The following TTC39B variants were observed in gnomAD, a reference collection of about 807,000 sequenced individuals.
TTC39B encodes the protein tetratricopeptide repeat domain 39B, also known as tetratricopeptide repeat protein 39B.
Under a neutral mutation model 96.6 loss-of-function variants are expected in TTC39B, and 92 were observed. That is an observed-to-expected ratio of 0.95 (90% CI 0.80 to 1.13). The LOEUF is 1.13. Ranked by LOEUF, TTC39B falls within the 50% of genes most tolerant of loss-of-function variation. The pLI is 0.00. For synonymous variants in TTC39B, 367 were observed against 299.4 expected (o/e 1.23, Z -2.33); for missense variants, 955 against 809.3 (o/e 1.18, Z -2.18).
At chr9:15,268,651 C>T (rs1823225043) in intron 1 of TTC39B, among the ~76,000 whole-genome samples, 1 of 152,138 alleles carries the variant, frequency 6.6e-6, no homozygotes, top group South Asian at 2.1e-4. Context: ...AGCTCCTCAT[C>T]CAGGTATCCG....
At chr9:15,185,452 C>G (rs766430647) in intron 15 of TTC39B, 46 bp from the exon 16 acceptor site, 4 of 1,607,430 alleles carry the variant, frequency 2.5e-6, no homozygotes, top group Non-Finnish European at 3.4e-6. Flanking sequence ...CATGGCAACA[C>G]ATACATTATT....
intron 9 of TTC39B, 124 bp downstream of exon 9, chr9:15,192,466 C>T (rs1360307252): frequency 1.5e-6 from 1 of 684,286 alleles, no homozygotes; most frequent in Non-Finnish European, 2.5e-6. Flanking sequence ...ACTGATCCCA[C>T]TCTAGCTGTT....
chr9:15,175,167 T>A, intron 18 of TTC39B, 32 bp from the exon 19 acceptor site: 1 of 1,426,328 alleles, frequency 7.0e-7, no homozygotes, highest in African/African-American at 1.4e-5. Flanking sequence ...AAGTAAATCT[T>A]AACAGAACAA....
At chr9:15,173,863 C>G (rs981606541) in intron 19 of TTC39B, among the ~76,000 whole-genome samples, 1 of 152,130 alleles carries the variant, frequency 6.6e-6, no homozygotes. Flanking sequence ...ATGGTCTGAA[C>G]AGAAGTATGT....
chr9:15,235,020 G>GATAA (rs1444990345), intron 2 of TTC39B, among the ~76,000 whole-genome samples: 2 of 55,456 alleles, frequency 3.6e-5, no homozygotes, highest in East Asian at 2.7e-3. Flanking sequence ...ACCCAAGAAT[G>GATAA]ATCAATAAAT....
exon 20 of TTC39B, chr9:15,167,901 C>G (rs553379023): frequency 6.6e-6 from 1 of 152,074 alleles, no homozygotes; most frequent in Non-Finnish European, 1.5e-5. Flanking sequence ...TAATCTAGTA[C>G]ATAAGGAGTT....
At position 15,175,393 on chromosome 9, in the gene TTC39B, C is replaced by G. The variant is rs79267591; in HGVS notation, c.1842-258G>C. On this transcript the variant is annotated intron_variant, in intron 18 of 19. Coordinates refer to ENST00000512701, the Ensembl canonical transcript of TTC39B. ...TGTCTCTTAAGTAAATCAGCGCATA[C>G]GGATCTTTAAAGATTAACCCTAGAA... 8.7e-3 allele frequency among the ~76,000 whole-genome samples: 1,325 copies of G among 152,172 alleles called. 19 individuals are homozygous for G. The highest frequency in any genetic ancestry group is 0.031 in the African/African-American group (1,267 of 41,512).
chr9:15,226,785 G>C (rs983317886), intron 2 of TTC39B, among the ~76,000 whole-genome samples: 1 of 152,054 alleles, frequency 6.6e-6, no homozygotes, highest in African/African-American at 2.4e-5. Flanking sequence ...CACACAATGG[G>C]GGCAGGTCCA....
rs148400476 is a variant in TTC39B, at chr9:15,244,820, T to TG, written c.276-18809dup. On this transcript the variant is annotated intron_variant, in intron 2 of 19. Coordinates refer to ENST00000512701, the Ensembl canonical transcript of TTC39B. Reference sequence around the variant, plus strand: ...TACAGGTTTTCAGTGGGACACTGAATGGGGGGGACATTGTCTTTTCTTTTA... The same window carrying TG: ...TACAGGTTTTCAGTGGGACACTGAATGGGGGGGGACATTGTCTTTTCTTTTA... 4.6e-5 allele frequency among the ~76,000 whole-genome samples: 7 copies of TG among 152,222 alleles called. No homozygotes were observed. In the South Asian group the frequency reaches 6.2e-4, roughly 14 times the overall value.
At chr9:15,273,677 C>A (rs1397383340) in intron 1 of TTC39B, among the ~76,000 whole-genome samples, 1 of 151,888 alleles carries the variant, frequency 6.6e-6, no homozygotes, top group African/African-American at 2.4e-5. Flanking sequence ...CAGGTGCCCA[C>A]CCCCACACAA....
chr9:15,267,352 T>C (rs1823172922), intron 2 of TTC39B, among the ~76,000 whole-genome samples: 1 of 152,256 alleles, frequency 6.6e-6, no homozygotes, highest in African/African-American at 2.4e-5. Context: ...TATTCATCCC[T>C]TTTAATTCAG....
At chr9:15,247,357 A>T (rs1465806341) in intron 2 of TTC39B, among the ~76,000 whole-genome samples, 1 of 152,212 alleles carries the variant, frequency 6.6e-6, no homozygotes, top group African/African-American at 2.4e-5. Flanking sequence ...TCTAACAGTC[A>T]TTCAGAAAGG....
chr9:15,224,669 T>C (rs1023611431), intron 3 of TTC39B, among the ~76,000 whole-genome samples: 4 of 152,218 alleles, frequency 2.6e-5, no homozygotes, highest in African/African-American at 7.2e-5. Flanking sequence ...CTCAGCATTA[T>C]AAATGTTGAT....
chr9:15,299,030 C>T lies in TTC39B; in HGVS notation c.240+8054G>A, dbSNP rs571660448. ...ACTACCCTCTCTCCCAGGAGAGGTG[C>T]CCTCCTCTGTGCTCACAAAGTACCC... is the stretch of plus-strand genomic sequence containing the variant. On this transcript the variant is annotated intron_variant, in intron 1 of 19. Transcript: ENST00000512701. 2.6e-5 allele frequency among the ~76,000 whole-genome samples: 4 copies of T among 152,242 alleles called. No homozygotes were observed. The East Asian group carries it at 7.8e-4, about 30-fold the overall frequency.
intron 9 of TTC39B, 91 bp from the exon 10 acceptor site, chr9:15,191,346 A>T (rs1306422226): frequency 1.2e-6 from 1 of 806,706 alleles, no homozygotes; most frequent in Non-Finnish European, 2.0e-6. Context: ...TAATGCTTCA[A>T]TAACATGAGA....
At chr9:15,277,448 G>T (rs1823587815) in intron 1 of TTC39B, among the ~76,000 whole-genome samples, 1 of 152,116 alleles carries the variant, frequency 6.6e-6, no homozygotes, top group Admixed American at 6.5e-5. Flanking sequence ...CGTAATTTAT[G>T]AGCACAGAGC....
intron 2 of TTC39B, among the ~76,000 whole-genome samples, chr9:15,226,621 G>A (rs1821137065): frequency 6.6e-6 from 1 of 152,086 alleles, no homozygotes; most frequent in African/African-American, 2.4e-5. Context: ...CGAAGGCAAT[G>A]GTACTTATTT....
chr9:15,287,960 A>T (rs1419255491), intron 1 of TTC39B, among the ~76,000 whole-genome samples: 61 of 146,082 alleles, frequency 4.2e-4, no homozygotes, highest in African/African-American at 1.6e-3. Flanking sequence ...AAAAAAAAAA[A>T]AAAAAAAAAC....
At chr9:15,252,378 G>A (rs1822593588) in intron 2 of TTC39B, among the ~76,000 whole-genome samples, 2 of 152,360 alleles carry the variant, frequency 1.3e-5, no homozygotes, top group South Asian at 4.1e-4. Flanking sequence ...GCCGGGCGCA[G>A]TGGCTCACGC....
Sources: gnomAD v4.1 joint callset for allele counts (sites outside exome capture counted in the v4.1 genomes callset) on GRCh38, gnomAD v4.1.1 for gene constraint, MANE v1.5 for transcripts, NCBI Gene and HGNC (gene_info 2026-07-23, HGNC 2026-07-21) for gene names.